JADE1: variants seen among roughly 807,000 people sequenced by gnomAD.
JADE1 encodes jade family PHD finger 1.
In JADE1, 14 loss-of-function variants were observed where a neutral mutation model predicts 81.8. The observed-to-expected ratio is 0.17, with a 90% CI of 0.11 to 0.27. JADE1 has a LOEUF of 0.27. Among genes scored for constraint, JADE1 ranks in the 10% least tolerant of loss-of-function variants. The pLI, the probability that JADE1 is intolerant of heterozygous loss-of-function variation, is 1.00. For missense variants in JADE1, 690 were observed against 1,047.9 expected, an observed-to-expected ratio of 0.66 and a Z score of 4.71; for synonymous variants, 353 against 391.9, an observed-to-expected ratio of 0.90 and a Z score of 1.17.
intron 1 of JADE1, among the ~76,000 whole-genome samples, chr4:128,817,742 G>A (rs576650352): frequency 6.6e-6 from 1 of 152,262 alleles, no homozygotes; most frequent in East Asian, 1.9e-4. Context: ...TTTAAGTTGG[G>A]GACACTTGAC....
chr4:128,863,172 C>T (rs530014097), intron 9 of JADE1: 16 of 985,514 alleles, frequency 1.6e-5, no homozygotes, highest in African/African-American at 1.0e-4. Context: ...CCCGTCTGGA[C>T]GTCCCTTCCT....
At chr4:128,818,245 C>T (rs552907155) in intron 1 of JADE1, among the ~76,000 whole-genome samples, 10 of 152,146 alleles carry the variant, frequency 6.6e-5, no homozygotes, top group African/African-American at 1.9e-4. Flanking sequence ...CTCAGCCTCC[C>T]GAGTAGCTGG....
chr4:128,820,848 C>A (rs1727503262), intron 1 of JADE1, among the ~76,000 whole-genome samples: 1 of 152,092 alleles, frequency 6.6e-6, no homozygotes, highest in Admixed American at 6.5e-5. Context: ...CTGGTGGAGT[C>A]TGGTTTCTGC....
chr4:128,844,139 C>A (rs759180780), intron 3 of JADE1, among the ~76,000 whole-genome samples: 21 of 152,124 alleles, frequency 1.4e-4, no homozygotes, highest in Non-Finnish European at 2.9e-4. Context: ...GTGTCTGTAA[C>A]CCCCAAAATA....
At chr4:128,869,533 TA>T (rs1328963801) in intron 10 of JADE1, among the ~76,000 whole-genome samples, 1 of 152,226 alleles carries the variant, frequency 6.6e-6, no homozygotes, top group Non-Finnish European at 1.5e-5. Context: ...TGATTCCCTG[TA>T]AAAATAAGCC....
In JADE1 at chr4:128,825,808, G is replaced by A. The variant is rs1728011776; in HGVS notation, c.-26-5925G>A. 3.3e-5 allele frequency among the ~76,000 whole-genome samples: 5 copies of A among 152,212 alleles called. No homozygotes were observed. The South Asian group carries it at 1.0e-3, about 32-fold the overall frequency. On this transcript the variant is annotated intron_variant, in intron 1 of 10. Transcript: ENST00000226319. ...ACATGACAGAAGGGATCCAAGGAGA[G>A]AGTAATCTGCATATAATCTAAATAG...
intron 2 of JADE1, among the ~76,000 whole-genome samples, chr4:128,833,662 T>C (rs150502580): frequency 4.1e-4 from 63 of 152,272 alleles, no homozygotes; most frequent in African/African-American, 1.5e-3. Context: ...GCCCCTGTAC[T>C]CCAGCCTGGC....
At chr4:128,865,442 TA>T (rs1731711810) in intron 9 of JADE1, among the ~76,000 whole-genome samples, 2 of 152,164 alleles carry the variant, frequency 1.3e-5, no homozygotes, top group South Asian at 4.1e-4. Context: ...TTTTTTAAGA[TA>T]CCTCCTTGCA....
chr4:128,854,110 G>C (rs749731087), intron 6 of JADE1, among the ~76,000 whole-genome samples: 1 of 151,804 alleles, frequency 6.6e-6, no homozygotes, highest in African/African-American at 2.4e-5. Context: ...ATTTTTTTGA[G>C]TAAAAGCTTT....
chr4:128,864,816 C>A (rs897132331), intron 9 of JADE1: 4 of 163,406 alleles, frequency 2.4e-5, no homozygotes, highest in Non-Finnish European at 3.8e-5. Context: ...GCTCTTCCTT[C>A]AGACACACAC....
chr4:128,845,848 T>G (rs1729826434), intron 3 of JADE1, among the ~76,000 whole-genome samples: 1 of 151,568 alleles, frequency 6.6e-6, no homozygotes, highest in Non-Finnish European at 1.5e-5. Flanking sequence ...AGCTTGAACC[T>G]GGGAGGCAGA....
chr4:128,835,868 T>C (rs1202065548), intron 2 of JADE1, among the ~76,000 whole-genome samples: 1 of 152,128 alleles, frequency 6.6e-6, no homozygotes, highest in Admixed American at 6.5e-5. Flanking sequence ...GTATTTACAG[T>C]TGGGGACGGA....
chr4:128,850,437 C>T (rs985853683), intron 5 of JADE1, among the ~76,000 whole-genome samples: 1 of 152,150 alleles, frequency 6.6e-6, no homozygotes, highest in Admixed American at 6.5e-5. Flanking sequence ...GCTTGTCCTG[C>T]CATTAGGCTC....
chr4:128,831,806 T>A lies in JADE1; in HGVS notation c.48T>A (p.Asn16Lys). Residue 16 changes from asparagine to lysine, a missense_variant, in exon 2 of 11, where the codon AAT (asparagine) becomes AAA (lysine). By Grantham distance (94) the Asn-to-Lys change is moderately conservative (BLOSUM62 0). This residue lies in a region of JADE1 where 59 missense variants were observed against 52.8 expected (regional missense o/e 1.12). Transcript: ENST00000226319. ...LPSSSEDSDDNGSLSTTWSQN... is the reference protein window; with the variant it reads ...LPSSSEDSDDKGSLSTTWSQN... ...GCAGCAGTGAGGATTCTGACGACAATGGCAGTAAGTCCTGCTTTGTTGTTC... is the reference window on the plus strand; with the variant it reads ...GCAGCAGTGAGGATTCTGACGACAAAGGCAGTAAGTCCTGCTTTGTTGTTC... The A allele has an allele frequency of 6.2e-7, 1 of 1,613,858 alleles. No homozygotes were observed.
rs765427619 is a variant in JADE1 at position 128,852,281 on chromosome 4, G to C, written c.696+13G>C. ...CTGTGTGCACCAGGTATGTGGGGCAGGGAGGCCAGAAAGAAGAAACCTGGG... is the reference window on the plus strand; with the variant it reads ...CTGTGTGCACCAGGTATGTGGGGCACGGAGGCCAGAAAGAAGAAACCTGGG... On this transcript the variant is annotated intron_variant, in intron 6 of 10. Transcript: ENST00000226319. 2 of 1,610,640 alleles carry C rather than the reference G, an allele frequency of 1.2e-6. No individual in the cohort carries two copies. The highest frequency in any genetic ancestry group is 1.7e-6 in the Non-Finnish European group (2 of 1,176,948).
intron 9 of JADE1, chr4:128,864,296 C>G (rs1003434534): frequency 6.4e-6 from 3 of 469,196 alleles, no homozygotes; most frequent in Non-Finnish European, 8.4e-6. Context: ...TACAGGCGTG[C>G]GCCACCATGC....
rs147838586 is a variant in JADE1, at chr4:128,866,650, C to T, written c.1504-1206C>T. Among the ~76,000 whole-genome samples the T allele has an allele frequency of 2.5e-4, 38 of 152,268 alleles. No individual in the cohort carries two copies. In the East Asian group the frequency reaches 6.6e-3, roughly 26 times the overall value. On this transcript the variant is annotated intron_variant, in intron 9 of 10. Coordinates refer to ENST00000226319, the MANE Select transcript of JADE1 (RefSeq NM_199320.4). ...TTTTTCCACTTAAAGTAGGGTGATA[C>T]TACTTTATTGAGTTTATGGGGAAAA...
intron 4 of JADE1, among the ~76,000 whole-genome samples, chr4:128,848,653 AT>A (rs1219345486): frequency 2.6e-5 from 4 of 152,170 alleles, no homozygotes; most frequent in Non-Finnish European, 5.9e-5. Context: ...AAGTGATTTA[AT>A]GACTAACTCT....
At chr4:128,818,536 G>T (rs940502100) in intron 1 of JADE1, among the ~76,000 whole-genome samples, 1 of 152,142 alleles carries the variant, frequency 6.6e-6, no homozygotes, top group East Asian at 1.9e-4. Context: ...CATAATGGTG[G>T]TTTATAAACA....
Sources: allele counts gnomAD v4.1 joint callset (sites outside exome capture counted in the v4.1 genomes callset), GRCh38; gene constraint gnomAD v4.1.1; regional missense constraint gnomAD v4.1.1; transcripts MANE v1.5; gene names NCBI Gene and HGNC (gene_info 2026-07-23, HGNC 2026-07-21).